MTMR7: variants seen among roughly 807,000 people sequenced by gnomAD.
MTMR7 encodes phosphatidylinositol-3-phosphate phosphatase MTMR7.
Under a neutral mutation model 81.2 loss-of-function variants are expected in MTMR7, and 76 were observed. The observed-to-expected ratio is 0.94, with a 90% CI of 0.78 to 1.13. The LOEUF is 1.13. Among genes scored for constraint, MTMR7 ranks in the 50% most tolerant of loss-of-function variants. The probability of loss-of-function intolerance (pLI) is 0.00; values close to 1 mark genes in which losing one functional copy is unlikely to be tolerated. For synonymous variants in MTMR7, 372 were observed against 289.8 expected, an observed-to-expected ratio of 1.28 and a Z score of -2.88; for missense variants, 1,044 against 820.0, an observed-to-expected ratio of 1.27 and a Z score of -3.34.
At chr8:17,412,313 A>G (rs535870376) in intron 1 of MTMR7, among the ~76,000 whole-genome samples, 1 of 152,252 alleles carries the variant, frequency 6.6e-6, no homozygotes, top group South Asian at 2.1e-4. Context: ...CACCTGAGCT[A>G]TGGCCACTCT....
chr8:17,305,679 T>C (rs1586141210), intron 11 of MTMR7, 78 bp downstream of exon 11: 1 of 1,318,734 alleles, frequency 7.6e-7, no homozygotes, highest in East Asian at 2.3e-5. Flanking sequence ...TCTTCAAAAT[T>C]ATGAAAGGCC....
chr8:17,327,437 A>AT (rs33921834), intron 7 of MTMR7, among the ~76,000 whole-genome samples: 50,862 of 151,190 alleles, frequency 0.34, 11,537 homozygotes, highest in African/African-American at 0.64. Flanking sequence ...CGCCTGGTTG[A>AT]TTTTTTTTAT....
intron 12 of MTMR7, among the ~76,000 whole-genome samples, chr8:17,303,657 T>G (rs890736334): frequency 1.3e-5 from 2 of 151,522 alleles, no homozygotes; most frequent in Non-Finnish European, 2.9e-5. Context: ...TTGCCCAGGC[T>G]GGAGTGCAAT....
intron 1 of MTMR7, among the ~76,000 whole-genome samples, chr8:17,390,949 C>A (rs1044055025): frequency 6.6e-6 from 1 of 152,182 alleles, no homozygotes; most frequent in Non-Finnish European, 1.5e-5. Flanking sequence ...GGGCACAGAG[C>A]CAGACCATAT....
At chr8:17,342,452 G>A (rs1819432834) in intron 5 of MTMR7, among the ~76,000 whole-genome samples, 1 of 152,182 alleles carries the variant, frequency 6.6e-6, no homozygotes, top group African/African-American at 2.4e-5. Context: ...TCATGTCACA[G>A]CCTGTTCAGC....
chr8:17,316,320 CTTTT>C (rs925508782), intron 7 of MTMR7, among the ~76,000 whole-genome samples: 7 of 151,806 alleles, frequency 4.6e-5, no homozygotes, highest in Non-Finnish European at 7.4e-5. Context: ...TTTTATCCAA[CTTTT>C]TTTAGATATC....
intron 6 of MTMR7, among the ~76,000 whole-genome samples, chr8:17,334,796 T>C (rs954825820): frequency 2.6e-5 from 4 of 152,198 alleles, no homozygotes; most frequent in African/African-American, 9.6e-5. Flanking sequence ...ACAGTGACAA[T>C]GACAGGAGTT....
chr8:17,312,648 T>C (rs1300537730), intron 8 of MTMR7, among the ~76,000 whole-genome samples: 1 of 151,706 alleles, frequency 6.6e-6, no homozygotes, highest in East Asian at 1.9e-4. Context: ...GGGAAGAGAC[T>C]TGATCTGCCT....
chr8:17,304,412 T>A lies in MTMR7; in HGVS notation c.1460A>T (p.His487Leu), dbSNP rs184457832. 34 of 1,614,006 alleles carry A rather than the reference T, an allele frequency of 2.1e-5. No individual in the cohort carries two copies. The Admixed American group carries it at 4.3e-4, about 21-fold the overall frequency. Residue 487 changes from histidine to leucine, a missense_variant, in exon 12 of 14, where the codon CAT becomes CTT. His to Leu is a moderately conservative substitution (Grantham distance 99, BLOSUM62 -3). Coordinates refer to ENST00000180173, the MANE Select transcript of MTMR7 (RefSeq NM_004686.5). ...ADHSQTQGTL[H>L]LPTTPCNFMY... ...GAAGTTACATGGTGTTGTAGGGAGATGAAGGGTTCCCTGAGTCTGGCTGTG... is the reference window on the plus strand; with the variant it reads ...GAAGTTACATGGTGTTGTAGGGAGAAGAAGGGTTCCCTGAGTCTGGCTGTG...
chr8:17,372,882 T>C, intron 2 of MTMR7: 1 of 422,650 alleles, frequency 2.4e-6, no homozygotes, highest in South Asian at 3.0e-5. Flanking sequence ...TTGTATCTTC[T>C]GGCTAGTTCT....
At chr8:17,409,352 C>G (rs1021486688) in intron 1 of MTMR7, among the ~76,000 whole-genome samples, 2 of 151,934 alleles carry the variant, frequency 1.3e-5, no homozygotes, top group African/African-American at 2.4e-5. Flanking sequence ...CCCAGCTACT[C>G]GGGAGGCTGA....
intron 1 of MTMR7, among the ~76,000 whole-genome samples, chr8:17,399,896 G>A (rs1275106431): frequency 6.7e-6 from 1 of 150,286 alleles, no homozygotes; most frequent in African/African-American, 2.4e-5. Context: ...CCAAAAAACT[G>A]ATAAACATCC....
At chr8:17,300,969 C>G (rs1156345280) in intron 13 of MTMR7, among the ~76,000 whole-genome samples, 1 of 152,184 alleles carries the variant, frequency 6.6e-6, no homozygotes, top group African/African-American at 2.4e-5. Context: ...CTTTTTCTGG[C>G]TGAACAGTAT....
intron 7 of MTMR7, among the ~76,000 whole-genome samples, chr8:17,318,386 T>C (rs748713315): frequency 6.6e-6 from 1 of 151,924 alleles, no homozygotes; most frequent in Non-Finnish European, 1.5e-5. Context: ...ACAGCGTTCA[T>C]GATAATGGCT....
intron 1 of MTMR7, among the ~76,000 whole-genome samples, chr8:17,394,531 A>G (rs900354357): frequency 2.0e-5 from 3 of 152,150 alleles, no homozygotes; most frequent in African/African-American, 2.4e-5. Flanking sequence ...GGGTGTAGGG[A>G]GAGAGAAAGG....
intron 1 of MTMR7, among the ~76,000 whole-genome samples, chr8:17,382,700 C>T (rs1820796307): frequency 6.6e-6 from 1 of 152,044 alleles, no homozygotes; most frequent in Non-Finnish European, 1.5e-5. Context: ...ATAAGGAGAC[C>T]TTGTGCAGAA....
At chr8:17,398,820 G>C (rs954143753) in intron 1 of MTMR7, among the ~76,000 whole-genome samples, 1 of 151,686 alleles carries the variant, frequency 6.6e-6, no homozygotes, top group Non-Finnish European at 1.5e-5. Context: ...TAAAAAGAAG[G>C]GGATATGAAG....
intron 12 of MTMR7, 87 bp from the exon 13 acceptor site, chr8:17,302,367 C>T (rs1215633518): frequency 2.1e-6 from 3 of 1,419,122 alleles, no homozygotes; most frequent in Admixed American, 4.7e-5. Flanking sequence ...TCTATGATAC[C>T]ACAGTCTTAA....
At chr8:17,379,368 G>A (rs191188288) in intron 1 of MTMR7, among the ~76,000 whole-genome samples, 1 of 152,202 alleles carries the variant, frequency 6.6e-6, no homozygotes, top group African/African-American at 2.4e-5. Flanking sequence ...AGCAGCAAGA[G>A]CCACGTTAGC....
Sources: gnomAD v4.1 joint callset for allele counts (sites outside exome capture counted in the v4.1 genomes callset) on GRCh38, gnomAD v4.1.1 for gene constraint, MANE v1.5 for transcripts, NCBI Gene and HGNC (gene_info 2026-07-23, HGNC 2026-07-21) for gene names.